The following SATB2 variants were observed in gnomAD, a reference collection of about 807,000 sequenced individuals.
SATB2 encodes SATB homeobox 2.
SATB2 carries 1 observed loss-of-function variant against 73.4 expected under a neutral mutation model. The observed-to-expected ratio is 0.01, with a 90% CI of 0.00 to 0.06. SATB2 has a LOEUF of 0.06. SATB2 is among the 10% of genes least tolerant of loss of function. The pLI, the probability that SATB2 is intolerant of heterozygous loss-of-function variation, is 1.00. For missense variants in SATB2, 459 were observed against 945.8 expected (o/e 0.49, Z 6.75); for synonymous variants, 397 against 367.0 (o/e 1.08, Z -0.93).
chr2:199,449,783 T>C (rs1051428212), intron 2 of SATB2, among the ~76,000 whole-genome samples: 1 of 152,106 alleles, frequency 6.6e-6, no homozygotes, highest in Non-Finnish European at 1.5e-5. Flanking sequence ...CATTTTAAAA[T>C]AACAGGAATT....
chr2:199,405,979 A>T (rs919155605), intron 3 of SATB2, among the ~76,000 whole-genome samples: 4 of 152,308 alleles, frequency 2.6e-5, no homozygotes, highest in Non-Finnish European at 5.9e-5. Flanking sequence ...ATTTTAAGTA[A>T]ATAATAATAA....
intron 7 of SATB2, among the ~76,000 whole-genome samples, chr2:199,333,695 C>T (rs1688256257): frequency 6.6e-6 from 1 of 152,088 alleles, no homozygotes. Context: ...ACAAGCTAAC[C>T]AGCAAACATT....
At chr2:199,423,033 T>C (rs1363060749) in intron 3 of SATB2, among the ~76,000 whole-genome samples, 1 of 152,156 alleles carries the variant, frequency 6.6e-6, no homozygotes, top group East Asian at 1.9e-4. Context: ...ATCATTTTAG[T>C]TTTAATCCTC....
rs1440841626 is a variant in SATB2 at position 199,463,921 on chromosome 2, C to A, written c.-141+915G>T. On this transcript the variant is annotated intron_variant, in intron 1 of 11. Transcript: ENST00000260926. This position sits in a 1 kb window ranked among gnomAD's most constrained non-coding sequence, Gnocchi z 6.4. The stretch of plus-strand genomic sequence containing the variant: ...GCAGCCGGGTGCAAGGGGGCCCAAA[C>A]CGCAGTTGCCTCCCGAACGCTTTGA... 6.6e-6 allele frequency among the ~76,000 whole-genome samples: 1 copy of A among 152,190 alleles called. No individual in the cohort carries two copies. The highest frequency in any genetic ancestry group is 2.4e-5 in the African/African-American group (1 of 41,470).
chr2:199,413,124 A>T (rs755605179), intron 3 of SATB2, among the ~76,000 whole-genome samples: 4 of 152,204 alleles, frequency 2.6e-5, no homozygotes, highest in Non-Finnish European at 5.9e-5. Flanking sequence ...AACATTTTTT[A>T]ATAAAATGTA....
intron 3 of SATB2, among the ~76,000 whole-genome samples, chr2:199,393,001 C>T (rs1690194026): frequency 6.6e-6 from 1 of 152,030 alleles, no homozygotes; most frequent in South Asian, 2.1e-4. Context: ...CTGACATAGT[C>T]CAAAAGACCC....
chr2:199,329,950 T>C (rs966503018), intron 7 of SATB2, among the ~76,000 whole-genome samples: 4 of 152,156 alleles, frequency 2.6e-5, no homozygotes, highest in Non-Finnish European at 5.9e-5. Context: ...CAGAGCAGTA[T>C]AAGAACAGGG....
rs771997100 is a variant in SATB2 at position 199,455,993 on chromosome 2, G to A, written c.45C>T (p.Asp15=). The change falls in exon 2 of 11, where the codon GAC becomes GAT. Residue 15 remains aspartate (D), a synonymous_variant. Transcript: ENST00000417098. This position sits in a 1 kb window ranked among gnomAD's most constrained non-coding sequence, Gnocchi z 4.1. ...TGACGTCCGGGCTGCCGCTCCGCCG[G>A]TCGGGGCTGTCCCGCAGACACGGGC... ...SESPCLRDSP[D]RRSGSPDVKG... 9 of 1,540,994 alleles carry A rather than the reference G, an allele frequency of 5.8e-6. No individual in the cohort carries two copies. The Admixed American group carries it at 1.7e-4, about 30-fold the overall frequency.
At chr2:199,334,665 T>G (rs1426908524) in intron 7 of SATB2, among the ~76,000 whole-genome samples, 1 of 152,128 alleles carries the variant, frequency 6.6e-6, no homozygotes, top group African/African-American at 2.4e-5. Flanking sequence ...CTAAAATATC[T>G]GTGTCCAGCT....
In SATB2 at chr2:199,380,976, G is replaced by T. The variant is rs75742650; in HGVS notation, c.474-489C>A. 6.3e-3 allele frequency among the ~76,000 whole-genome samples: 961 copies of T among 152,226 alleles called. 6 individuals are homozygous for T. Among genetic ancestry groups the T allele is most frequent in the African/African-American group, 0.022 (911 of 41,538 alleles). The stretch of plus-strand genomic sequence containing the variant: ...CCCATTCATAGACACAGATGGGAAT[G>T]CTGGGGGTCCATATTTAAAGTATAA... On this transcript the variant is annotated intron_variant, in intron 4 of 10. Coordinates refer to ENST00000417098, the MANE Select transcript of SATB2 (RefSeq NM_001172509.2).
At chr2:199,333,356 T>A (rs997299988) in intron 7 of SATB2, among the ~76,000 whole-genome samples, 2 of 152,014 alleles carry the variant, frequency 1.3e-5, no homozygotes, top group Non-Finnish European at 2.9e-5. Context: ...TAGTGTCACC[T>A]TGGCTCAAAG....
At chr2:199,440,950 G>A (rs1691797466) in intron 2 of SATB2, among the ~76,000 whole-genome samples, 1 of 151,704 alleles carries the variant, frequency 6.6e-6, no homozygotes, top group Non-Finnish European at 1.5e-5. Context: ...TCAGGTTCAA[G>A]CGATTCTCCT....
At chr2:199,354,452 G>A (rs919930632) in intron 6 of SATB2, among the ~76,000 whole-genome samples, 7 of 152,156 alleles carry the variant, frequency 4.6e-5, no homozygotes, top group Admixed American at 4.6e-4. Context: ...TACTGTGGCT[G>A]AAGCCTTGAG....
intron 3 of SATB2, among the ~76,000 whole-genome samples, chr2:199,424,939 A>G (rs927599876): frequency 2.6e-5 from 4 of 152,242 alleles, no homozygotes; most frequent in Admixed American, 1.3e-4. Flanking sequence ...TGCTTTAACG[A>G]ATGTGTTTTT....
chr2:199,370,024 G>GAGCT (rs1287009185), intron 5 of SATB2, among the ~76,000 whole-genome samples: 1 of 152,150 alleles, frequency 6.6e-6, no homozygotes, highest in Admixed American at 6.6e-5. Context: ...GGAACTCAAA[G>GAGCT]AGCTAATATC....
At chr2:199,331,174 TA>T (rs1304747403) in intron 7 of SATB2, among the ~76,000 whole-genome samples, 9 of 149,812 alleles carry the variant, frequency 6.0e-5, no homozygotes, top group Non-Finnish European at 1.0e-4. Flanking sequence ...TCTCAATCAA[TA>T]AAAAAAATTT....
chr2:199,317,324 C>A (rs75415071), intron 9 of SATB2, among the ~76,000 whole-genome samples: 4,404 of 152,124 alleles, frequency 0.029, 265 homozygotes, highest in African/African-American at 0.1. Context: ...TAGATACCAA[C>A]ATTCTCCCAC....
chr2:199,291,704 G>A (rs1303095584), intron 10 of SATB2, among the ~76,000 whole-genome samples: 1 of 152,062 alleles, frequency 6.6e-6, no homozygotes, highest in African/African-American at 2.4e-5. Flanking sequence ...CCTGAGGTCA[G>A]GAGTTTGAGA....
chr2:199,459,032 C>T (rs968351972), upstream of SATB2, among the ~76,000 whole-genome samples: 38 of 152,064 alleles, frequency 2.5e-4, no homozygotes, highest in African/African-American at 8.9e-4. The surrounding 1 kb of genome is among the most constrained non-coding windows in gnomAD (Gnocchi z 4.2). Flanking sequence ...CGGGGTGCAT[C>T]CCTGGATGGC....
Sources: gnomAD v4.1 joint callset for allele counts (sites outside exome capture counted in the v4.1 genomes callset) on GRCh38, gnomAD v4.1.1 for gene constraint, Gnocchi (gnomAD v3.1) non-coding constraint, MANE v1.5 for transcripts, NCBI Gene and HGNC (gene_info 2026-07-23, HGNC 2026-07-21) for gene names.